CMKLR1: variants seen among roughly 807,000 people sequenced by gnomAD.
CMKLR1 encodes the protein chemerin-like receptor 1.
CMKLR1 carries 6 observed loss-of-function variants against 8.2 expected under a neutral mutation model. The ratio of observed to expected loss-of-function variants is 0.73; its 90% CI spans 0.40 to 1.44. The LOEUF (loss-of-function observed/expected upper bound fraction) is 1.44. Among genes scored for constraint, CMKLR1 ranks in the 40% most tolerant of loss-of-function variants. The pLI, the probability that CMKLR1 is intolerant of heterozygous loss-of-function variation, is 0.02. For missense variants in CMKLR1, 429 were observed against 478.0 expected (o/e 0.90, Z 0.96); for synonymous variants, 178 against 181.2 (o/e 0.98, Z 0.14).
At chr12:108,322,048 A>G (rs1891874126) in intron 2 of CMKLR1, among the ~76,000 whole-genome samples, 1 of 152,210 alleles carries the variant, frequency 6.6e-6, no homozygotes, top group African/African-American at 2.4e-5. Flanking sequence ...AGAAGAAGGG[A>G]GGGGAGAAAG....
At chr12:108,319,632 T>C (rs1307608071) in intron 2 of CMKLR1, among the ~76,000 whole-genome samples, 1 of 152,216 alleles carries the variant, frequency 6.6e-6, no homozygotes, top group Non-Finnish European at 1.5e-5. Flanking sequence ...AGAAGGAATA[T>C]AAACAGCTAG....
chr12:108,330,172 GTAGAAAAATC>G lies in CMKLR1; in HGVS notation c.-261_-252del, dbSNP rs1294066409. 6.6e-6 allele frequency: 1 copy of G among 152,166 alleles called. No homozygotes were observed. The highest frequency in any genetic ancestry group is 1.9e-4 in the East Asian group (1 of 5,194). The allele number at this position is 152,166 out of a possible 1,614,324, so 9.4% of individuals were successfully genotyped here. A position where few individuals can be genotyped will look rare whatever the true frequency, so the allele number is the denominator to read the frequency against. On this transcript the variant is annotated 5_prime_UTR_variant, in exon 2 of 4. An upstream open reading frame in the 5' UTR loses its in-frame stop. Transcript: ENST00000550402. ...TTGTTGCAGAGCCCTGAGCCTCCTG[GTAGAAAAATC>G]CAAGCAGTTCTGCTGGAGAGATGGG...
chr12:108,334,867 G>A (rs7965952), intron 1 of CMKLR1, among the ~76,000 whole-genome samples: 43,243 of 152,006 alleles, frequency 0.28, 6,601 homozygotes, highest in African/African-American at 0.36. Flanking sequence ...GTAGATAATG[G>A]ATATAAATAC....
intron 1 of CMKLR1, among the ~76,000 whole-genome samples, chr12:108,335,609 T>C (rs887400356): frequency 6.6e-6 from 1 of 152,240 alleles, no homozygotes; most frequent in African/African-American, 2.4e-5. Context: ...GATGAAATTA[T>C]TGTGGCCAAA....
chr12:108,327,565 C>T (rs920157132), intron 2 of CMKLR1, among the ~76,000 whole-genome samples: 5 of 152,254 alleles, frequency 3.3e-5, no homozygotes, highest in African/African-American at 9.6e-5. Flanking sequence ...ATTTCCCTGG[C>T]TATAAAATAG....
At chr12:108,314,855 T>C (rs2137322798) in intron 2 of CMKLR1, among the ~76,000 whole-genome samples, 1 of 152,116 alleles carries the variant, frequency 6.6e-6, no homozygotes, top group East Asian at 1.9e-4. Flanking sequence ...CTTCCCAAAG[T>C]GCTGGGCTTA....
chr12:108,325,600 T>TC (rs1214390728), intron 2 of CMKLR1, among the ~76,000 whole-genome samples: 1 of 151,852 alleles, frequency 6.6e-6, no homozygotes, highest in Non-Finnish European at 1.5e-5. Context: ...CAGATCCATC[T>TC]CCCCCTGCCC....
chr12:108,328,876 T>A (rs7313579), intron 2 of CMKLR1, among the ~76,000 whole-genome samples: 66,525 of 152,044 alleles, frequency 0.44, 14,968 homozygotes, highest in Admixed American at 0.54. Context: ...TGCCATCTTA[T>A]ATCAGCTCTC....
intron 2 of CMKLR1, among the ~76,000 whole-genome samples, chr12:108,323,005 C>T (rs1891897301): frequency 6.6e-6 from 1 of 152,126 alleles, no homozygotes; most frequent in Non-Finnish European, 1.5e-5. Context: ...CTCTCAGATT[C>T]CCCCTTCAGC....
chr12:108,317,128 G>T (rs1422122799), intron 2 of CMKLR1, among the ~76,000 whole-genome samples: 2 of 152,156 alleles, frequency 1.3e-5, no homozygotes, highest in African/African-American at 2.4e-5. Context: ...GATTTTAACA[G>T]GAAAAGGTGT....
At chr12:108,306,108 T>C (rs1891399459) in intron 2 of CMKLR1, among the ~76,000 whole-genome samples, 1 of 152,240 alleles carries the variant, frequency 6.6e-6, no homozygotes, top group Non-Finnish European at 1.5e-5. Flanking sequence ...CAGGCTGACC[T>C]GCTTGAAAAT....
At chr12:108,315,114 T>G (rs1018501516) in intron 2 of CMKLR1, among the ~76,000 whole-genome samples, 2 of 148,992 alleles carry the variant, frequency 1.3e-5, no homozygotes, top group Non-Finnish European at 2.9e-5. Flanking sequence ...ATTTTGTATT[T>G]TTAGCAGTGA....
chr12:108,336,272 C>T (rs546604474), intron 1 of CMKLR1, among the ~76,000 whole-genome samples: 1 of 152,100 alleles, frequency 6.6e-6, no homozygotes, highest in Non-Finnish European at 1.5e-5. Flanking sequence ...ATTGGCCGGG[C>T]GCAGTGGCTC....
Position 108,311,657 on chromosome 12 carries a change from G to A in CMKLR1, c.-73-17993C>T, listed in dbSNP as rs117612877. On this transcript the variant is annotated intron_variant, in intron 2 of 3. Coordinates refer to ENST00000550402, the MANE Select transcript of CMKLR1 (RefSeq NM_001142343.2). Reference sequence around the variant, plus strand: ...AGAAAAAAAGTGCCAGGGAAAGGACGCTAAGGGGAAAAGGCAGCATAGAGG... The same window carrying A: ...AGAAAAAAAGTGCCAGGGAAAGGACACTAAGGGGAAAAGGCAGCATAGAGG... Among the ~76,000 whole-genome samples the A allele has an allele frequency of 2.1e-3, 327 of 152,310 alleles. 4 individuals are homozygous for A. In the East Asian group the frequency reaches 0.03, roughly 14 times the overall value.
At chr12:108,332,422 T>G (rs1490418026) in intron 1 of CMKLR1, among the ~76,000 whole-genome samples, 2 of 152,162 alleles carry the variant, frequency 1.3e-5, no homozygotes, top group African/African-American at 2.4e-5. Flanking sequence ...TAAAATATAA[T>G]AAGTATTAAT....
chr12:108,304,363 G>C (rs1302471323), intron 2 of CMKLR1, among the ~76,000 whole-genome samples: 1 of 152,122 alleles, frequency 6.6e-6, no homozygotes, highest in Admixed American at 6.5e-5. Flanking sequence ...GTGTCCTATG[G>C]GCTCAGTGTA....
chr12:108,306,755 T>G (rs1891418523), intron 2 of CMKLR1, among the ~76,000 whole-genome samples: 1 of 152,232 alleles, frequency 6.6e-6, no homozygotes, highest in Non-Finnish European at 1.5e-5. Context: ...ACCTGAGGAC[T>G]GAGCTGAGGC....
chr12:108,288,399 G>A lies in CMKLR1; in HGVS notation c.*3442C>T, dbSNP rs1487009243. The A allele has an allele frequency of 6.6e-6, 1 of 152,260 alleles. No individual in the cohort carries two copies. The highest frequency in any genetic ancestry group is 1.5e-5 in the Non-Finnish European group (1 of 68,076). The allele number at this position is 152,260 out of a possible 1,614,324, so 9.4% of individuals were successfully genotyped here. A position where few individuals can be genotyped will look rare whatever the true frequency, so the allele number is the denominator to read the frequency against. ...GAAATGGGAGACATCTGGGCAAGAT[G>A]AGTTTGAAGGTCCCTTATGGTTTTC... On this transcript the variant is annotated 3_prime_UTR_variant, in exon 4 of 4. Transcript: ENST00000550402.
chr12:108,292,968 G>A lies in CMKLR1; in HGVS notation c.4-9C>T, dbSNP rs777127074. The A allele has an allele frequency of 8.1e-6, 13 of 1,596,480 alleles. No individual in the cohort carries two copies. The East Asian group carries it at 2.5e-4, about 30-fold the overall frequency. On this transcript the variant is annotated splice_polypyrimidine_tract_variant and intron_variant, in intron 3 of 3. Coordinates refer to ENST00000550402, the MANE Select transcript of CMKLR1 (RefSeq NM_001142343.2). ...TCTTCATCCTCCATTCTCTGCAAGA[G>A]AAGACAGGGACCATTAGAGGAACCC...
Sources: gnomAD v4.1 joint callset for allele counts (sites outside exome capture counted in the v4.1 genomes callset) on GRCh38, gnomAD v4.1.1 for gene constraint, MANE v1.5 for transcripts, NCBI Gene and HGNC (gene_info 2026-07-23, HGNC 2026-07-21) for gene names.